SPATA16: variants seen among roughly 807,000 people sequenced by gnomAD.
SPATA16 encodes the protein spermatogenesis-associated protein 16.
Under a neutral mutation model 63.3 loss-of-function variants are expected in SPATA16, and 36 were observed. The ratio of observed to expected loss-of-function variants is 0.57; its 90% confidence interval spans 0.44 to 0.75. The LOEUF (loss-of-function observed/expected upper bound fraction) is 0.75. Among genes scored for constraint, SPATA16 ranks in the 30% least tolerant of loss-of-function variants. The pLI, the probability that SPATA16 is intolerant of heterozygous loss-of-function variation, is 0.00. For synonymous variants in SPATA16, 203 were observed against 216.7 expected (o/e 0.94, Z 0.56); for missense variants, 646 against 679.3 (o/e 0.95, Z 0.54).
At chr3:172,943,442 T>G (rs1442544562) in intron 6 of SPATA16, among the ~76,000 whole-genome samples, 1 of 152,196 alleles carries the variant, frequency 6.6e-6, no homozygotes, top group Non-Finnish European at 1.5e-5. Flanking sequence ...AAAGAATGAA[T>G]ATCTATGTAC....
At chr3:172,946,435 C>G (rs2109610519) in intron 6 of SPATA16, among the ~76,000 whole-genome samples, 1 of 68,812 alleles carries the variant, frequency 1.5e-5, no homozygotes, top group Non-Finnish European at 2.9e-5. Context: ...ATTTCTGGAT[C>G]CGCCCTGGGC....
At chr3:172,964,899 GT>G (rs1733878242) in intron 5 of SPATA16, among the ~76,000 whole-genome samples, 1 of 152,192 alleles carries the variant, frequency 6.6e-6, no homozygotes, top group South Asian at 2.1e-4. Flanking sequence ...AGAAGTGTAT[GT>G]TGGAGAACAA....
rs1735259800 is a variant in SPATA16 at position 173,019,138 on chromosome 3, C to T, written c.848+348G>A. On this transcript the variant is annotated intron_variant, in intron 4 of 10. Coordinates refer to ENST00000351008, the MANE Select transcript of SPATA16 (RefSeq NM_031955.6). ...TTTTTCACGTGATTGGATTTCCTCT[C>T]CAGTGCTCAAGAGATAGTTATAGAA... Among the ~76,000 whole-genome samples the T allele has an allele frequency of 2.0e-5, 3 of 152,088 alleles. No homozygotes were observed. The South Asian group carries it at 6.2e-4, about 32-fold the overall frequency.
At chr3:172,969,107 A>G (rs779152480) in intron 5 of SPATA16, among the ~76,000 whole-genome samples, 11 of 149,262 alleles carry the variant, frequency 7.4e-5, no homozygotes, top group Non-Finnish European at 1.2e-4. Context: ...AGAATATTGC[A>G]TGCCCATTGT....
At chr3:173,028,785 C>G (rs1735529510) in intron 3 of SPATA16, among the ~76,000 whole-genome samples, 1 of 151,978 alleles carries the variant, frequency 6.6e-6, no homozygotes, top group Admixed American at 6.6e-5. Context: ...GATGTTTTCA[C>G]TGAATTGTGC....
chr3:173,074,589 C>T (rs1384604565), intron 2 of SPATA16, among the ~76,000 whole-genome samples: 4 of 152,152 alleles, frequency 2.6e-5, no homozygotes, highest in Non-Finnish European at 5.9e-5. Context: ...GTCCCCAAGC[C>T]ACATGGAACT....
rs770810787 is a variant in SPATA16 at position 173,117,455 on chromosome 3, T to A, written c.277A>T (p.Thr93Ser). The part of the protein sequence containing the change: ...KRKAEGEEKP[T>S]RKKQAKITEL... ...GTTATCTTTGCCTGTTTCTTTCTAGTTGGCTTTTCTTCACCTTCTGCCTTC... is the reference window on the plus strand; with the variant it reads ...GTTATCTTTGCCTGTTTCTTTCTAGATGGCTTTTCTTCACCTTCTGCCTTC... The change falls in exon 2 of 11, where the codon ACT (threonine) becomes TCT (serine). Residue 93 changes from threonine to serine, a missense_variant. Physicochemically the swap from Thr to Ser is moderately conservative, Grantham distance 58. Transcript: ENST00000351008. The A allele has an allele frequency of 9.9e-6, 16 of 1,614,056 alleles. No homozygotes were observed. The highest frequency in any genetic ancestry group is 1.7e-5 in the Admixed American group (1 of 60,004).
In SPATA16 at chr3:173,115,828, A is replaced by G. The variant is rs1370303085; in HGVS notation, c.612+1292T>C. On this transcript the variant is annotated intron_variant, in intron 2 of 10. Transcript: ENST00000351008. Reference sequence around the variant, plus strand: ...TTTACATTGCACCACTTTCACGACAACATCTCACATTTGACTCCTGCTCAC... The same window carrying G: ...TTTACATTGCACCACTTTCACGACAGCATCTCACATTTGACTCCTGCTCAC... Among the ~76,000 whole-genome samples the G allele has an allele frequency of 2.6e-5, 4 of 152,002 alleles. No homozygotes were observed. In the East Asian group the frequency reaches 7.7e-4, roughly 29 times the overall value.
chr3:172,961,923 A>G (rs1425906744), intron 5 of SPATA16, among the ~76,000 whole-genome samples: 21 of 152,070 alleles, frequency 1.4e-4, no homozygotes, highest in Admixed American at 1.4e-3. Flanking sequence ...CCTGCCTAGC[A>G]TAATCCCCTA....
chr3:172,929,840 G>A (rs1012507260), intron 6 of SPATA16, among the ~76,000 whole-genome samples: 1 of 152,152 alleles, frequency 6.6e-6, no homozygotes, highest in Non-Finnish European at 1.5e-5. Flanking sequence ...TTAAAATAGA[G>A]CAAATATGTT....
intron 2 of SPATA16, among the ~76,000 whole-genome samples, chr3:173,101,281 C>T (rs1430418370): frequency 1.3e-5 from 2 of 152,160 alleles, no homozygotes; most frequent in African/African-American, 2.4e-5. Context: ...CTCCAAAAGC[C>T]TCATTCCAAT....
At chr3:172,973,940 C>T (rs904596920) in intron 5 of SPATA16, among the ~76,000 whole-genome samples, 40 of 152,122 alleles carry the variant, frequency 2.6e-4, no homozygotes, top group African/African-American at 9.2e-4. Flanking sequence ...ATTTTCAACC[C>T]TCTCTAGCTC....
At chr3:172,993,040 C>T (rs1029033492) in intron 4 of SPATA16, among the ~76,000 whole-genome samples, 2 of 152,080 alleles carry the variant, frequency 1.3e-5, no homozygotes, top group African/African-American at 4.8e-5. Flanking sequence ...CCAGACTACA[C>T]TATTAGAGAG....
At chr3:172,915,201 A>C (rs897570283) in intron 9 of SPATA16, among the ~76,000 whole-genome samples, 2 of 152,118 alleles carry the variant, frequency 1.3e-5, no homozygotes, top group Non-Finnish European at 2.9e-5. Context: ...GCCAGTTTTG[A>C]CTTGGTAATT....
At chr3:172,982,963 G>A (rs528861473) in intron 4 of SPATA16, among the ~76,000 whole-genome samples, 10 of 152,352 alleles carry the variant, frequency 6.6e-5, no homozygotes, top group Non-Finnish European at 1.5e-4. Flanking sequence ...ACAATCAGCT[G>A]TGTGGTCTCA....
intron 10 of SPATA16, among the ~76,000 whole-genome samples, chr3:172,898,249 A>G (rs1310424918): frequency 6.6e-6 from 1 of 151,942 alleles, no homozygotes; most frequent in African/African-American, 2.4e-5. Flanking sequence ...GGATAATACT[A>G]GATTTATAAC....
chr3:172,939,997 A>C (rs1250019160), intron 6 of SPATA16, among the ~76,000 whole-genome samples: 1 of 151,992 alleles, frequency 6.6e-6, no homozygotes, highest in Non-Finnish European at 1.5e-5. Context: ...ATCCATAAAA[A>C]CCCATAAAAG....
chr3:172,967,051 G>C (rs1262924248), intron 5 of SPATA16, among the ~76,000 whole-genome samples: 9 of 152,264 alleles, frequency 5.9e-5, no homozygotes, highest in East Asian at 3.9e-4. Flanking sequence ...ATTTAGACTG[G>C]AAGGCAAAGT....
chr3:173,006,453 AT>A (rs1734947574), intron 4 of SPATA16, among the ~76,000 whole-genome samples: 1 of 152,238 alleles, frequency 6.6e-6, no homozygotes, highest in South Asian at 2.1e-4. Flanking sequence ...AACCAAAAAA[AT>A]CTGCGATGTA....
Sources: allele counts gnomAD v4.1 joint callset (sites outside exome capture counted in the v4.1 genomes callset), GRCh38; gene constraint gnomAD v4.1.1; transcripts MANE v1.5; gene names NCBI Gene and HGNC (gene_info 2026-07-23, HGNC 2026-07-21).